The following SDHA variants were observed in gnomAD, a reference collection of about 807,000 sequenced individuals.
The protein encoded by SDHA is succinate dehydrogenase [ubiquinone] flavoprotein subunit, mitochondrial.
Under a neutral mutation model 78.4 loss-of-function variants are expected in SDHA, and 48 were observed. That is an observed-to-expected ratio of 0.61 (90% CI 0.49 to 0.78). SDHA has a LOEUF of 0.78. Among genes scored for constraint, SDHA ranks in the 30% least tolerant of loss-of-function variants. The pLI is 0.00. For missense variants in SDHA, 680 were observed against 892.7 expected (o/e 0.76, Z 3.04); for synonymous variants, 326 against 353.9 (o/e 0.92, Z 0.88).
intron 10 of SDHA, among the ~76,000 whole-genome samples, chr5:237,395 G>A (rs531697392): frequency 3.0e-5 from 4 of 133,836 alleles, no homozygotes; most frequent in Non-Finnish European, 6.0e-5. Flanking sequence ...CACCCTTTAC[G>A]GACAGATTGG....
intron 10 of SDHA, among the ~76,000 whole-genome samples, chr5:239,796 G>T (rs1188438932): frequency 2.0e-5 from 3 of 150,302 alleles, no homozygotes; most frequent in South Asian, 2.1e-4. Flanking sequence ...TTAAGACAGG[G>T]TCTCGCTCTG....
chr5:267,514 C>T, the SDHA span, among the ~76,000 whole-genome samples: 1 of 152,164 alleles, frequency 6.6e-6, no homozygotes, highest in South Asian at 2.1e-4. Flanking sequence ...TTAACAAATA[C>T]TTGTTGAGGG....
At chr5:262,190 GCC>G in the SDHA span, among the ~76,000 whole-genome samples, 4 of 57,832 alleles carry the variant, frequency 6.9e-5, no homozygotes, top group East Asian at 2.9e-4. Flanking sequence ...TCCGCCTCCC[GCC>G]AGAGCATTAC....
chr5:241,803 A>C (rs993307854), intron 11 of SDHA, among the ~76,000 whole-genome samples: 14 of 152,232 alleles, frequency 9.2e-5, no homozygotes, highest in African/African-American at 3.4e-4. Context: ...TTCAGTCTTC[A>C]AGTGAAGCTG....
rs190184075 is a variant in SDHA at position 243,064 on chromosome 5, C to T, written c.1551+2588C>T. 5.8e-4 allele frequency among the ~76,000 whole-genome samples: 89 copies of T among 152,192 alleles called. 1 individual carries two copies. In the East Asian group the frequency reaches 0.012, roughly 21 times the overall value. On this transcript the variant is annotated intron_variant, in intron 11 of 14. Transcript: ENST00000264932. Reference sequence around the variant, plus strand: ...AAAAGTAGTTGCTCCAGTGACTGTCCGAGCAGCACCTTGAGCGACCCCTCT... The same window carrying T: ...AAAAGTAGTTGCTCCAGTGACTGTCTGAGCAGCACCTTGAGCGACCCCTCT...
At chr5:239,917 G>A (rs530806881) in intron 10 of SDHA, among the ~76,000 whole-genome samples, 12 of 151,904 alleles carry the variant, frequency 7.9e-5, no homozygotes, top group Admixed American at 3.3e-4. Flanking sequence ...TTATAGACGC[G>A]TGCCACCATA....
chr5:224,978 C>CT (rs1407173100), intron 3 of SDHA: 1 of 328,306 alleles, frequency 3.0e-6, no homozygotes, highest in Non-Finnish European at 5.8e-6. Flanking sequence ...GAGTGCGACT[C>CT]TGAGTGTGGA....
chr5:236,188 C>T, intron 9 of SDHA: 2 of 534,536 alleles, frequency 3.7e-6, no homozygotes, highest in Non-Finnish European at 6.8e-6. Context: ...TTATGCCCCG[C>T]TAATTTTTGT....
chr5:240,325 C>G (rs768672384), intron 10 of SDHA, 33 bp from the exon 11 acceptor site: 4 of 1,443,936 alleles, frequency 2.8e-6, no homozygotes, highest in Non-Finnish European at 3.9e-6. Context: ...AAACGGTTTT[C>G]AAAAGTTAAA....
At chr5:260,938 C>A (rs868685210), downstream of SDHA, among the ~76,000 whole-genome samples, 68 of 11,110 alleles carry the variant, frequency 6.1e-3, 5 homozygotes, top group Non-Finnish European at 0.01. Context: ...AGCTCCGCCC[C>A]CCGCCACAGC....
chr5:234,042 C>T, intron 8 of SDHA: 1 of 277,510 alleles, frequency 3.6e-6, no homozygotes, highest in Non-Finnish European at 7.0e-6. Context: ...CTTTCATTGC[C>T]TGACCCTGTT....
rs766352407 is a variant in SDHA at position 251,020 on chromosome 5, G to A, written c.1580G>A (p.Arg527His). The change falls in exon 12 of 15, where the codon CGT (arginine) becomes CAT (histidine). Residue 527 changes from arginine to histidine, a missense_variant. Coordinates refer to ENST00000264932, the MANE Select transcript of SDHA (RefSeq NM_004168.4). ...ATGCAAAATCATGCTGCCGTGTTCCGTGTGGGAAGCGTGTTGCAAGAAGGT... is the reference window on the plus strand; with the variant it reads ...ATGCAAAATCATGCTGCCGTGTTCCATGTGGGAAGCGTGTTGCAAGAAGGT... ...KSMQNHAAVF[R>H]VGSVLQEGCG... 2.7e-5 allele frequency: 43 copies of A among 1,611,866 alleles called. No homozygotes were observed. Among genetic ancestry groups the A allele is most frequent in the Admixed American group, 1.2e-4 (7 of 59,996 alleles).
At chr5:254,850 A>G (rs1737079562) in intron 14 of SDHA, among the ~76,000 whole-genome samples, 2 of 152,026 alleles carry the variant, frequency 1.3e-5, no homozygotes, top group Non-Finnish European at 2.9e-5. Context: ...GGGTGGGGAC[A>G]CACAGCCATT....
At position 223,815 on chromosome 5, in the gene SDHA, A is replaced by T. The variant is rs186412059; in HGVS notation, c.150+247A>T. 4.7e-4 allele frequency among the ~76,000 whole-genome samples: 71 copies of T among 152,298 alleles called. No homozygotes were observed. In the East Asian group the frequency reaches 7.5e-3, roughly 16 times the overall value. ...ACTAGATTTAAATTTAGATCAAGTA[A>T]AGCAATAAATTAAAATAAAATGAAC... On this transcript the variant is annotated intron_variant, in intron 2 of 14. Transcript: ENST00000264932.
rs28710899 is a variant in SDHA at position 240,914 on chromosome 5, G to A, written c.1551+438G>A. ...TATATGTACCACATTTTCTTCATCT[G>A]GTCATCCGTTGATGGGCACTTAGGT... On this transcript the variant is annotated intron_variant, in intron 11 of 14. Transcript: ENST00000264932. Among the ~76,000 whole-genome samples, 35,980 of 151,172 alleles carry A rather than the reference G, an allele frequency of 0.24. 6,645 individuals are homozygous for A. Among genetic ancestry groups the A allele is most frequent in the African/African-American group, 0.52 (21,291 of 40,860 alleles).
chr5:266,331 G>C, the SDHA span, among the ~76,000 whole-genome samples: 3 of 152,236 alleles, frequency 2.0e-5, no homozygotes, highest in African/African-American at 7.2e-5. Flanking sequence ...CCTGAAGCAT[G>C]ATAGGATGGC....
chr5:263,029 TC>T, the SDHA span, among the ~76,000 whole-genome samples: 1 of 152,098 alleles, frequency 6.6e-6, no homozygotes, highest in African/African-American at 2.4e-5. Context: ...AACCTCCACC[TC>T]CGGGGCTCCA....
the SDHA span, among the ~76,000 whole-genome samples, chr5:262,524 G>A: frequency 1.4e-5 from 2 of 147,050 alleles, no homozygotes; most frequent in African/African-American, 5.4e-5. Flanking sequence ...TCTAGGTTAT[G>A]CGCCGCTTAT....
chr5:263,777 C>T, the SDHA span, among the ~76,000 whole-genome samples: 1 of 152,210 alleles, frequency 6.6e-6, no homozygotes, highest in African/African-American at 2.4e-5. Context: ...CAGAACATTG[C>T]AACCTCATGG....
Sources: allele counts gnomAD v4.1 joint callset (sites outside exome capture counted in the v4.1 genomes callset), GRCh38; gene constraint gnomAD v4.1.1; transcripts MANE v1.5; gene names NCBI Gene and HGNC (gene_info 2026-07-23, HGNC 2026-07-21).